Variants in PMFBP1 observed in about 807,000 individuals in gnomAD.
The protein encoded by PMFBP1 is polyamine-modulated factor 1-binding protein 1.
PMFBP1 carries 131 observed loss-of-function variants against 137.8 expected under a neutral mutation model. That is an observed-to-expected ratio of 0.95 (90% CI 0.82 to 1.10). The LOEUF is 1.10. PMFBP1 is among the 50% of genes least tolerant of loss of function. The probability of loss-of-function intolerance (pLI) is 0.00; values close to 1 mark genes in which losing one functional copy is unlikely to be tolerated. For missense variants in PMFBP1, 1,199 were observed against 1,175.4 expected (o/e 1.02, Z -0.29); for synonymous variants, 490 against 450.4 (o/e 1.09, Z -1.11).
rs1422591152 is a variant in PMFBP1, at chr16:72,122,861, G to A, written c.2768+53C>T. ...CTAAAGCCAGCCCTGGCTCCCTGCT[G>A]ACCCTTCTTGTCAGCTCCCAGGAAG... On this transcript the variant is annotated intron_variant, in intron 19 of 20. Coordinates refer to ENST00000237353, the MANE Select transcript of PMFBP1 (RefSeq NM_031293.3). The A allele has an allele frequency of 1.2e-5, 18 of 1,545,074 alleles. No homozygotes were observed. The Admixed American group carries it at 2.5e-4, about 22-fold the overall frequency.
chr16:72,229,850 CG>C, the PMFBP1 span, among the ~76,000 whole-genome samples: 8 of 151,982 alleles, frequency 5.3e-5, no homozygotes, highest in Admixed American at 1.3e-4. Context: ...ATTTTTTTTG[CG>C]GTGCCTGATT....
chr16:72,190,025 A>G, the PMFBP1 span, among the ~76,000 whole-genome samples: 1 of 152,150 alleles, frequency 6.6e-6, no homozygotes. Context: ...CTGAAAAAAA[A>G]TCTCAAAAAA....
At chr16:72,146,097 C>T (rs1006811647) in intron 5 of PMFBP1, among the ~76,000 whole-genome samples, 2 of 152,144 alleles carry the variant, frequency 1.3e-5, no homozygotes, top group Admixed American at 1.3e-4. Context: ...ACCAATATCC[C>T]TGATGAACAT....
intron 4 of PMFBP1, among the ~76,000 whole-genome samples, chr16:72,153,240 C>A (rs926614121): frequency 6.6e-6 from 1 of 152,170 alleles, no homozygotes; most frequent in African/African-American, 2.4e-5. Context: ...AATAACCTTT[C>A]TCTGTTCCTC....
At chr16:72,182,932 G>C in the PMFBP1 span, among the ~76,000 whole-genome samples, 1 of 151,986 alleles carries the variant, frequency 6.6e-6, no homozygotes, top group Admixed American at 6.6e-5. Context: ...GCCCCTGCTT[G>C]GTTGACCAGT....
chr16:72,154,567 T>G, intron 3 of PMFBP1, 108 bp from the exon 4 acceptor site: 1 of 1,254,958 alleles, frequency 8.0e-7, no homozygotes, highest in Non-Finnish European at 1.1e-6. Context: ...CATCTATCCA[T>G]CTTTTTATCT....
At chr16:72,233,549 T>C in the PMFBP1 span, among the ~76,000 whole-genome samples, 6 of 152,286 alleles carry the variant, frequency 3.9e-5, no homozygotes, top group East Asian at 1.2e-3. Flanking sequence ...ATTATTTCTG[T>C]TTTTATAACA....
intron 7 of PMFBP1, among the ~76,000 whole-genome samples, chr16:72,138,293 C>G (rs1425186714): frequency 6.6e-6 from 1 of 152,146 alleles, no homozygotes; most frequent in Non-Finnish European, 1.5e-5. Flanking sequence ...CTAGAGAACC[C>G]CTTGGGGAGC....
upstream of PMFBP1, among the ~76,000 whole-genome samples, chr16:72,176,076 T>C (rs568190627): frequency 5.3e-5 from 8 of 152,074 alleles, no homozygotes; most frequent in Non-Finnish European, 1.2e-4. Context: ...ATGTTGGAGA[T>C]GGTTTTGCCA....
At chr16:72,188,674 G>A in the PMFBP1 span, among the ~76,000 whole-genome samples, 2 of 152,162 alleles carry the variant, frequency 1.3e-5, no homozygotes, top group African/African-American at 4.8e-5. Context: ...AATTGGGCTT[G>A]GCATGATTAT....
At chr16:72,143,141 C>T (rs1322033196) in intron 5 of PMFBP1, among the ~76,000 whole-genome samples, 1 of 152,100 alleles carries the variant, frequency 6.6e-6, no homozygotes, top group East Asian at 1.9e-4. Flanking sequence ...AATAACAATT[C>T]TTGATAAGCT....
intron 9 of PMFBP1, 43 bp downstream of exon 9, chr16:72,136,405 C>A: frequency 6.3e-7 from 1 of 1,597,418 alleles, no homozygotes; most frequent in East Asian, 2.2e-5. Context: ...CATGGCCTCA[C>A]ACCTGCCCCA....
At chr16:72,249,919 G>GC in the PMFBP1 span, among the ~76,000 whole-genome samples, 2 of 25,768 alleles carry the variant, frequency 7.8e-5, no homozygotes, top group Non-Finnish European at 1.2e-4. Flanking sequence ...AGACTCCATC[G>GC]CAAAAAAAAA....
the PMFBP1 span, among the ~76,000 whole-genome samples, chr16:72,198,429 C>A: frequency 7.9e-5 from 12 of 152,320 alleles, no homozygotes; most frequent in African/African-American, 2.6e-4. Flanking sequence ...GGGCTACTCA[C>A]CCGCTTTACA....
the PMFBP1 span, among the ~76,000 whole-genome samples, chr16:72,218,837 T>C: frequency 2.0e-5 from 3 of 152,104 alleles, no homozygotes; most frequent in Non-Finnish European, 4.4e-5. Context: ...GGGAAAAGGT[T>C]GCATGCAATT....
At chr16:72,217,707 G>A in the PMFBP1 span, among the ~76,000 whole-genome samples, 1 of 152,112 alleles carries the variant, frequency 6.6e-6, no homozygotes, top group East Asian at 1.9e-4. Context: ...CAAAAAATTA[G>A]CCGAGTGTGG....
intron 2 of PMFBP1, among the ~76,000 whole-genome samples, chr16:72,168,828 A>G (rs2043182100): frequency 2.0e-5 from 3 of 152,228 alleles, no homozygotes; most frequent in Admixed American, 6.5e-5. Context: ...CATATTCATG[A>G]TAACTATTAG....
chr16:72,168,668 T>C (rs2144521374), intron 2 of PMFBP1, among the ~76,000 whole-genome samples: 3 of 152,250 alleles, frequency 2.0e-5, no homozygotes, highest in Admixed American at 2.0e-4. Flanking sequence ...CACTGCTAGG[T>C]GAGTTTTCAT....
the PMFBP1 span, among the ~76,000 whole-genome samples, chr16:72,230,917 G>T: frequency 1.3e-5 from 2 of 152,102 alleles, no homozygotes; most frequent in African/African-American, 4.8e-5. Flanking sequence ...GCTGTAAACG[G>T]CAATAGATAT....
Sources: allele counts gnomAD v4.1 joint callset (sites outside exome capture counted in the v4.1 genomes callset), GRCh38; gene constraint gnomAD v4.1.1; transcripts MANE v1.5; gene names NCBI Gene and HGNC (gene_info 2026-07-23, HGNC 2026-07-21).